Variants in PCDHGA1 observed in about 807,000 individuals in gnomAD.
PCDHGA1 encodes the protein protocadherin gamma subfamily A, 1.
PCDHGA1 carries 32 observed loss-of-function variants against 58.0 expected under a neutral mutation model. The observed-to-expected ratio is 0.55, with a 90% CI of 0.42 to 0.74. The LOEUF is 0.74. Among genes scored for constraint, PCDHGA1 ranks in the 30% least tolerant of loss-of-function variants. PCDHGA1 has a pLI of 0.00. For missense variants in PCDHGA1, 1,205 were observed against 1,182.3 expected (o/e 1.02, Z -0.28); for synonymous variants, 498 against 501.1 (o/e 0.99, Z 0.08).
At chr5:141,433,150 G>C (rs1466566074) in intron 1 of PCDHGA1, 5 of 1,613,936 alleles carry the variant, frequency 3.1e-6, no homozygotes, top group Middle Eastern at 1.6e-4. Flanking sequence ...CAGGTGATTC[G>C]GTATTTTCTA....
intron 1 of PCDHGA1, among the ~76,000 whole-genome samples, chr5:141,446,325 T>G (rs1440954528): frequency 3.9e-5 from 6 of 152,124 alleles, no homozygotes; most frequent in African/African-American, 1.4e-4. Flanking sequence ...GTTTCCACAT[T>G]AAGGAACTGG....
rs755443869 is a variant in PCDHGA1, at chr5:141,362,288, C to G, written c.2421+29183C>G. 6 of 1,614,094 alleles carry G rather than the reference C, an allele frequency of 3.7e-6. No individual in the cohort carries two copies. The South Asian group carries it at 6.6e-5, about 18-fold the overall frequency. The stretch of plus-strand genomic sequence containing the variant: ...GCAATCTCCCTGCGCCTGCGACTCT[C>G]TTCCAGGTCAGATGCTTGGGACTGT... On this transcript the variant is annotated intron_variant, in intron 1 of 3. Transcript: ENST00000517417.
chr5:141,400,776 G>T (rs1461818790), intron 1 of PCDHGA1: 3 of 557,594 alleles, frequency 5.4e-6, no homozygotes, highest in Non-Finnish European at 9.4e-6. Context: ...CATTTGGTGC[G>T]TTTTTTTGTC....
rs564367150 is a variant in PCDHGA1 at position 141,464,990 on chromosome 5, C to T, written c.2422-29817C>T. Among the ~76,000 whole-genome samples, 147 of 152,192 alleles carry T rather than the reference C, an allele frequency of 9.7e-4. 1 individual carries two copies. Among genetic ancestry groups the T allele is most frequent in the African/African-American group, 3.5e-3 (144 of 41,536 alleles). On this transcript the variant is annotated intron_variant, in intron 1 of 3. Transcript: ENST00000517417. ...CTACTGGCTTCAAGTGATCCTCCCA[C>T]CTCAGCCTCCCAAAGTGCTAAGATT...
intron 1 of PCDHGA1, chr5:141,352,212 C>G: frequency 1.9e-6 from 3 of 1,614,058 alleles, no homozygotes; most frequent in Non-Finnish European, 2.5e-6. Context: ...CCGCCACTCT[C>G]CGCCACCGCC....
In PCDHGA1 at chr5:141,476,584, C is replaced by G. The variant is rs140544807; in HGVS notation, c.2422-18223C>G. ...TGGCTCCGGGGACGCGCTTTCCGCTCGAGAGCGCGCACGATCCCGATGTGG... is the reference window on the plus strand; with the variant it reads ...TGGCTCCGGGGACGCGCTTTCCGCTGGAGAGCGCGCACGATCCCGATGTGG... On this transcript the variant is annotated intron_variant, in intron 1 of 3. Coordinates refer to ENST00000517417, the MANE Select transcript of PCDHGA1 (RefSeq NM_018912.3). This position sits in a 1 kb window ranked among gnomAD's most constrained non-coding sequence, Gnocchi z 7.6. 1.2e-5 allele frequency: 19 copies of G among 1,614,100 alleles called. No homozygotes were observed. The African/African-American group carries it at 2.3e-4, about 19-fold the overall frequency.
chr5:141,476,535 T>C lies in PCDHGA1; in HGVS notation c.2422-18272T>C. 5 of 1,614,038 alleles carry C rather than the reference T, an allele frequency of 3.1e-6. No individual in the cohort carries two copies. The highest frequency in any genetic ancestry group is 4.2e-6 in the Non-Finnish European group (5 of 1,180,010). On this transcript the variant is annotated intron_variant, in intron 1 of 3. Coordinates refer to ENST00000517417, the MANE Select transcript of PCDHGA1 (RefSeq NM_018912.3). The surrounding 1 kb of genome is among the most constrained non-coding windows in gnomAD (Gnocchi z 7.6). ...AATCCTGCTTTCCCTACCCAGGAAA[T>C]GAAATTGGAGATTAGCGAGGCCGTG...
At chr5:141,437,741 CTT>C (rs35124340) in intron 1 of PCDHGA1, among the ~76,000 whole-genome samples, 17 of 141,612 alleles carry the variant, frequency 1.2e-4, no homozygotes, top group Admixed American at 2.1e-4. Flanking sequence ...TTGAGTTCAC[CTT>C]TTTTTTTTTT....
At chr5:141,366,039 A>G (rs781015607) in intron 1 of PCDHGA1, 15 of 1,614,136 alleles carry the variant, frequency 9.3e-6, no homozygotes, top group Non-Finnish European at 1.2e-5. Context: ...CTCCCCACAG[A>G]CGGTTCCACG....
chr5:141,418,439 T>C (rs1284999606), intron 1 of PCDHGA1: 1 of 1,613,812 alleles, frequency 6.2e-7, no homozygotes, highest in Non-Finnish European at 8.5e-7. Flanking sequence ...ATATCCAGAA[T>C]TAGTATTGCA....
intron 1 of PCDHGA1, among the ~76,000 whole-genome samples, chr5:141,481,731 A>G (rs1339022274): frequency 6.6e-6 from 1 of 152,060 alleles, no homozygotes; most frequent in African/African-American, 2.4e-5. Context: ...AGGCGGGCGG[A>G]TCACGAGGTC....
chr5:141,506,516 G>A (rs2099854579), intron 3 of PCDHGA1, among the ~76,000 whole-genome samples: 1 of 151,324 alleles, frequency 6.6e-6, no homozygotes, highest in Non-Finnish European at 1.5e-5. Flanking sequence ...CTGGCACCTG[G>A]CACCACCACT....
rs758172625 is a variant in PCDHGA1 at position 141,365,486 on chromosome 5, A to G, written c.2421+32381A>G. The G allele has an allele frequency of 3.7e-6, 6 of 1,613,992 alleles. No individual in the cohort carries two copies. The East Asian group carries it at 8.9e-5, about 24-fold the overall frequency. On this transcript the variant is annotated intron_variant, in intron 1 of 3. Coordinates refer to ENST00000517417, the MANE Select transcript of PCDHGA1 (RefSeq NM_018912.3). ...AGAAAATGGTGAGATTGCATGCTCT[A>G]TTCCTAGGAATTTGCCTTTTAAATT...
At chr5:141,343,268 A>G in intron 1 of PCDHGA1, 1 of 960,180 alleles carries the variant, frequency 1.0e-6, no homozygotes, top group Non-Finnish European at 1.2e-6. Context: ...CAGGTCACCA[A>G]GAACAAACTT....
chr5:141,473,892 G>C (rs1247711441), intron 1 of PCDHGA1, among the ~76,000 whole-genome samples: 1 of 152,138 alleles, frequency 6.6e-6, no homozygotes, highest in African/African-American at 2.4e-5. Context: ...GGGTTCTGTT[G>C]GTTCATGAAG....
In PCDHGA1 at chr5:141,432,596, G is replaced by T; in HGVS notation, c.2422-62211G>T. On this transcript the variant is annotated intron_variant, in intron 1 of 3. Transcript: ENST00000517417. This position sits in a 1 kb window ranked among gnomAD's most constrained non-coding sequence, Gnocchi z 6.0. The stretch of plus-strand genomic sequence containing the variant: ...GTCCTACCGTCTGCTCAAGGCCAGC[G>T]AGCCGGGACTCTTCTCGGTGGGTCT... 6.8e-6 allele frequency: 11 copies of T among 1,613,926 alleles called. No individual in the cohort carries two copies. The highest frequency in any genetic ancestry group is 9.3e-6 in the Non-Finnish European group (11 of 1,179,972).
At chr5:141,458,064 C>G (rs886724551) in intron 1 of PCDHGA1, among the ~76,000 whole-genome samples, 1 of 152,104 alleles carries the variant, frequency 6.6e-6, no homozygotes, top group Admixed American at 6.6e-5. Flanking sequence ...TGCACTGATG[C>G]GAACAACTAT....
chr5:141,361,134 CCAAG>C lies in PCDHGA1; in HGVS notation c.2421+28030_2421+28033del, dbSNP rs750013813. 191 of 1,613,798 alleles carry C rather than the reference CCAAG, an allele frequency of 1.2e-4. 1 individual carries two copies. The Admixed American group carries it at 3.2e-3, about 27-fold the overall frequency. On this transcript the variant is annotated intron_variant, in intron 1 of 3. Transcript: ENST00000517417. ...GAGATCTAGCAGCCCACTGCAGTAT[CCAAG>C]TTGAAATTCTTGATGACAACGATTG...
chr5:141,365,477 G>T, intron 1 of PCDHGA1: 2 of 1,613,994 alleles, frequency 1.2e-6, no homozygotes, highest in Non-Finnish European at 1.7e-6. Flanking sequence ...TGGTGAGATT[G>T]CATGCTCTAT....
Sources: gnomAD v4.1 joint callset for allele counts (sites outside exome capture counted in the v4.1 genomes callset) on GRCh38, gnomAD v4.1.1 for gene constraint, Gnocchi (gnomAD v3.1) non-coding constraint, MANE v1.5 for transcripts, NCBI Gene and HGNC (gene_info 2026-07-23, HGNC 2026-07-21) for gene names.